The following ATP11B variants were observed in gnomAD, a reference collection of about 807,000 sequenced individuals.
ATP11B encodes the protein phospholipid-transporting ATPase IF.
Under a neutral mutation model 157.8 loss-of-function variants are expected in ATP11B, and 81 were observed. The observed-to-expected ratio is 0.51, with a 90% CI of 0.43 to 0.62. ATP11B has a LOEUF of 0.62. ATP11B is among the 20% of genes least tolerant of loss of function. ATP11B has a pLI of 0.00. For missense variants in ATP11B, 1,165 were observed against 1,402.2 expected (o/e 0.83, Z 2.70); for synonymous variants, 451 against 469.4 (o/e 0.96, Z 0.51).
intron 1 of ATP11B, among the ~76,000 whole-genome samples, chr3:182,794,754 C>T (rs1051131734): frequency 6.6e-6 from 1 of 152,186 alleles, no homozygotes; most frequent in Non-Finnish European, 1.5e-5. Context: ...ACAGAAATTG[C>T]CCCTGGCTGA....
intron 14 of ATP11B, among the ~76,000 whole-genome samples, 195 bp from the exon 15 acceptor site, chr3:182,867,181 G>A (rs1319422805): frequency 6.7e-6 from 1 of 149,302 alleles, no homozygotes; most frequent in African/African-American, 2.6e-5. Flanking sequence ...AACCCGCTTT[G>A]GCCTCCTGAA....
intron 28 of ATP11B, among the ~76,000 whole-genome samples, chr3:182,908,111 GC>G (rs1245116862): frequency 1.3e-5 from 2 of 151,088 alleles, no homozygotes; most frequent in East Asian, 3.9e-4. Context: ...AAAACAAAAG[GC>G]CCTTAGTCCT....
chr3:182,868,985 A>C (rs1458110459), intron 15 of ATP11B, 93 bp from the exon 16 acceptor site: 25 of 762,982 alleles, frequency 3.3e-5, no homozygotes. Flanking sequence ...TCAATTAGCC[A>C]TTTTATCTTA....
intron 28 of ATP11B, among the ~76,000 whole-genome samples, chr3:182,899,076 A>G (rs1723766666): frequency 1.3e-5 from 2 of 151,980 alleles, no homozygotes; most frequent in Non-Finnish European, 2.9e-5. Context: ...TTTTAAAGTA[A>G]TATCACAGCA....
chr3:182,875,749 G>A (rs1721997553), intron 19 of ATP11B, among the ~76,000 whole-genome samples: 1 of 152,058 alleles, frequency 6.6e-6, no homozygotes, highest in South Asian at 2.1e-4. Flanking sequence ...CCCATATAGG[G>A]TCTTCTTAAA....
intron 28 of ATP11B, among the ~76,000 whole-genome samples, chr3:182,903,410 T>G (rs966797942): frequency 2.6e-5 from 4 of 152,264 alleles, no homozygotes; most frequent in Middle Eastern, 3.4e-3. Flanking sequence ...ATTCTCAAGG[T>G]TTCTAATCTT....
chr3:182,917,268 T>G, intron 29 of ATP11B: 1 of 985,402 alleles, frequency 1.0e-6, no homozygotes, highest in Non-Finnish European at 1.2e-6. Flanking sequence ...AGTCTTTCAC[T>G]TGGTAATCCT....
intron 2 of ATP11B, 110 bp downstream of exon 2, chr3:182,820,486 C>T (rs1265252399): frequency 4.1e-6 from 3 of 731,094 alleles, no homozygotes; most frequent in Non-Finnish European, 7.0e-6. Context: ...GAGTTTGCGA[C>T]CAGTGTGGGC....
chr3:182,911,538 G>A (rs1243334918), intron 28 of ATP11B, among the ~76,000 whole-genome samples: 1 of 152,054 alleles, frequency 6.6e-6, no homozygotes, highest in Non-Finnish European at 1.5e-5. Context: ...GTAAACTGGG[G>A]ATGATCATGA....
chr3:182,920,586 T>C lies in ATP11B; in HGVS notation c.*2482T>C, dbSNP rs1725416147. On this transcript the variant is annotated 3_prime_UTR_variant, in exon 30 of 30. Transcript: ENST00000323116. ...CCAGAGCAAAATGCTAAATACGTTA[T>C]TGCTAATCAGTGGTCTCAAATCGAT... is the stretch of plus-strand genomic sequence containing the variant. 6.6e-6 allele frequency: 1 copy of C among 152,258 alleles called. No homozygotes were observed. The highest frequency in any genetic ancestry group is 6.5e-5 in the Admixed American group (1 of 15,286). 9.4% of individuals were successfully genotyped at this position (152,258 alleles called of 1,614,324 possible).
Position 182,869,338 on chromosome 3 carries a change from G to A in ATP11B, c.1866+7G>A, listed in dbSNP as rs73050693. 154,730 of 1,513,148 alleles carry A rather than the reference G, an allele frequency of 0.1. 8,465 individuals carry two copies. Among genetic ancestry groups the A allele is most frequent in the African/African-American group, 0.18 (12,767 of 71,322 alleles). 93.7% of individuals were successfully genotyped at this position (1,513,148 alleles called of 1,614,324 possible). The stretch of plus-strand genomic sequence containing the variant: ...TGTAGATGAATTTGCTTTGGTGAGT[G>A]CAAATTTCTATGATTTAAAAAACTC... On this transcript the variant is annotated splice_region_variant and intron_variant, in intron 17 of 29. Transcript: ENST00000323116.
rs76089621 is a variant in ATP11B, at chr3:182,883,302, G to T, written c.2510-1451G>T. 7.7e-4 allele frequency among the ~76,000 whole-genome samples: 117 copies of T among 151,224 alleles called. 1 individual carries two copies. In the East Asian group the frequency reaches 0.02, roughly 26 times the overall value. Reference sequence around the variant, plus strand: ...TATAGAGCTTCACTCTTGTTTGCCAGGCTGGAGTGCAATGGCTCAATCTCG... The same window carrying T: ...TATAGAGCTTCACTCTTGTTTGCCATGCTGGAGTGCAATGGCTCAATCTCG... On this transcript the variant is annotated intron_variant, in intron 21 of 29. Transcript: ENST00000323116.
intron 2 of ATP11B, among the ~76,000 whole-genome samples, chr3:182,825,350 T>C (rs1179213393): frequency 6.6e-6 from 1 of 152,216 alleles, no homozygotes; most frequent in African/African-American, 2.4e-5. Flanking sequence ...GTTTCTCTTA[T>C]TGTGGAAGTG....
chr3:182,838,224 T>C (rs1171382225), intron 7 of ATP11B, among the ~76,000 whole-genome samples: 1 of 152,066 alleles, frequency 6.6e-6, no homozygotes, highest in African/African-American at 2.4e-5. Context: ...AATCATATGC[T>C]TTAAAAGCAC....
intron 25 of ATP11B, among the ~76,000 whole-genome samples, chr3:182,890,956 G>C (rs1023806236): frequency 6.6e-6 from 1 of 152,148 alleles, no homozygotes; most frequent in African/African-American, 2.4e-5. Context: ...GTTAATGGGT[G>C]CAGCACACCA....
At chr3:182,827,814 ATGT>A in intron 2 of ATP11B, among the ~76,000 whole-genome samples, 1 of 152,056 alleles carries the variant, frequency 6.6e-6, no homozygotes, top group African/African-American at 2.4e-5. Flanking sequence ...AGTTATTAAA[ATGT>A]TGTTTTAGAT....
intron 2 of ATP11B, among the ~76,000 whole-genome samples, chr3:182,823,298 G>A (rs556156085): frequency 6.6e-6 from 1 of 152,294 alleles, no homozygotes; most frequent in South Asian, 2.1e-4. Flanking sequence ...TGTATAAGGT[G>A]TAAGAAAGGG....
chr3:182,885,559 C>G (rs1370259291), intron 22 of ATP11B, among the ~76,000 whole-genome samples: 1 of 151,852 alleles, frequency 6.6e-6, no homozygotes, highest in African/African-American at 2.4e-5. Context: ...AAAGAAGTTT[C>G]GATAGTTTGA....
chr3:182,841,167 C>A (rs1718983143), intron 7 of ATP11B, among the ~76,000 whole-genome samples: 1 of 152,228 alleles, frequency 6.6e-6, no homozygotes, highest in Non-Finnish European at 1.5e-5. Flanking sequence ...TAAATCACCT[C>A]CTCAATGGAG....
Sources: allele counts gnomAD v4.1 joint callset (sites outside exome capture counted in the v4.1 genomes callset), GRCh38; gene constraint gnomAD v4.1.1; transcripts MANE v1.5; gene names NCBI Gene and HGNC (gene_info 2026-07-23, HGNC 2026-07-21).